The following KHDRBS2 variants were observed in gnomAD, a reference collection of about 807,000 sequenced individuals.
KHDRBS2 encodes KH domain-containing, RNA-binding, signal transduction-associated protein 2.
In KHDRBS2, 26 loss-of-function variants were observed where a neutral mutation model predicts 44.3. The ratio of observed to expected loss-of-function variants is 0.59; its 90% CI spans 0.43 to 0.81. The LOEUF (loss-of-function observed/expected upper bound fraction) is 0.81, where lower values mean the gene tolerates loss of function less well. Ranked by LOEUF, KHDRBS2 falls within the 40% of genes least tolerant of loss-of-function variation. The pLI is 0.00. For missense variants in KHDRBS2, 476 were observed against 433.1 expected (o/e 1.10, Z -0.88); for synonymous variants, 194 against 151.1 (o/e 1.28, Z -2.08).
intron 3 of KHDRBS2, among the ~76,000 whole-genome samples, chr6:62,006,157 G>A (rs1779166109): frequency 6.6e-6 from 1 of 151,894 alleles, no homozygotes; most frequent in Admixed American, 6.6e-5. Context: ...AGACAATACA[G>A]TAATACAACT....
chr6:62,219,198 A>G (rs1434699320), intron 1 of KHDRBS2, among the ~76,000 whole-genome samples: 4 of 147,358 alleles, frequency 2.7e-5, no homozygotes, highest in African/African-American at 9.8e-5. Context: ...CAGATGAAAC[A>G]CAGCTAACTT....
intron 2 of KHDRBS2, among the ~76,000 whole-genome samples, chr6:62,162,932 G>T (rs757489695): frequency 2.6e-5 from 4 of 151,980 alleles, no homozygotes; most frequent in Non-Finnish European, 5.9e-5. Context: ...GGGGTAAGAA[G>T]AATACTGGTT....
At chr6:61,810,945 T>C (rs1411970611) in intron 6 of KHDRBS2, among the ~76,000 whole-genome samples, 6 of 152,148 alleles carry the variant, frequency 3.9e-5, no homozygotes, top group Non-Finnish European at 8.8e-5. Context: ...TTATTATTAT[T>C]TTTTAAGTTA....
intron 6 of KHDRBS2, among the ~76,000 whole-genome samples, chr6:61,888,181 T>C (rs1801251500): frequency 6.6e-6 from 1 of 152,212 alleles, no homozygotes; most frequent in Admixed American, 6.5e-5. Flanking sequence ...CCAATAACTA[T>C]GTTTATATTG....
the KHDRBS2 span, among the ~76,000 whole-genome samples, chr6:61,579,699 T>C: frequency 1.2e-3 from 185 of 152,248 alleles, no homozygotes; most frequent in African/African-American, 4.2e-3. Context: ...CCCTGAGAAT[T>C]TCTCTTGAAT....
the KHDRBS2 span, among the ~76,000 whole-genome samples, chr6:61,565,629 A>T: frequency 6.6e-6 from 1 of 152,096 alleles, no homozygotes; most frequent in African/African-American, 2.4e-5. Flanking sequence ...ATTTTACCCC[A>T]GTTAAGATGC....
chr6:61,743,624 A>AT (rs1047701411), intron 6 of KHDRBS2, among the ~76,000 whole-genome samples: 1 of 151,968 alleles, frequency 6.6e-6, no homozygotes, highest in Admixed American at 6.6e-5. Flanking sequence ...TCCTTATTTT[A>AT]TTTTTTTAAT....
At chr6:61,687,606 T>C (rs1766960934) in intron 8 of KHDRBS2, among the ~76,000 whole-genome samples, 1 of 151,936 alleles carries the variant, frequency 6.6e-6, no homozygotes, top group African/African-American at 2.4e-5. Flanking sequence ...AAGATTCCTT[T>C]CTGCAATCTT....
chr6:62,106,038 C>G (rs1803183806), intron 2 of KHDRBS2, among the ~76,000 whole-genome samples: 1 of 152,102 alleles, frequency 6.6e-6, no homozygotes, highest in Non-Finnish European at 1.5e-5. Flanking sequence ...GTTATGTACC[C>G]AGTAGTCATT....
intron 3 of KHDRBS2, among the ~76,000 whole-genome samples, chr6:61,993,341 C>T (rs768924372): frequency 2.0e-5 from 3 of 151,934 alleles, no homozygotes; most frequent in Non-Finnish European, 2.9e-5. Context: ...GGCTTAGACT[C>T]GCTCTTTCTT....
chr6:61,806,308 C>T (rs1336690798), intron 6 of KHDRBS2, among the ~76,000 whole-genome samples: 1 of 152,108 alleles, frequency 6.6e-6, no homozygotes, highest in East Asian at 1.9e-4. Context: ...GCCTGATATC[C>T]TTGGGACCAC....
At chr6:61,801,550 G>C (rs1420234248) in intron 6 of KHDRBS2, among the ~76,000 whole-genome samples, 2 of 152,074 alleles carry the variant, frequency 1.3e-5, no homozygotes, top group Non-Finnish European at 2.9e-5. Context: ...CTGATGAATA[G>C]CTCATTTGTC....
intron 6 of KHDRBS2, among the ~76,000 whole-genome samples, chr6:61,767,424 T>C (rs1780176129): frequency 6.6e-6 from 1 of 152,086 alleles, no homozygotes; most frequent in African/African-American, 2.4e-5. Context: ...TGCCACTCTA[T>C]GTCTTTTGAT....
intron 2 of KHDRBS2, among the ~76,000 whole-genome samples, chr6:62,130,927 T>C (rs1810147919): frequency 6.6e-6 from 1 of 152,096 alleles, no homozygotes; most frequent in Admixed American, 6.6e-5. Flanking sequence ...TTTCATACCA[T>C]GGTAAAGTTG....
intron 3 of KHDRBS2, among the ~76,000 whole-genome samples, chr6:61,983,128 T>C (rs1583954398): frequency 6.6e-6 from 1 of 152,128 alleles, no homozygotes; most frequent in East Asian, 1.9e-4. Context: ...TGGACTGGAA[T>C]GTCATATTTG....
At chr6:61,584,084 T>C in the KHDRBS2 span, among the ~76,000 whole-genome samples, 1 of 151,760 alleles carries the variant, frequency 6.6e-6, no homozygotes, top group Non-Finnish European at 1.5e-5. Context: ...TATTTAGTTA[T>C]TAGCTTTAGT....
intron 3 of KHDRBS2, among the ~76,000 whole-genome samples, chr6:61,984,189 A>G (rs6901059): frequency 0.044 from 6,682 of 152,256 alleles, 482 homozygotes; most frequent in African/African-American, 0.15. Flanking sequence ...TAAGATACTT[A>G]GAGCTCAACA....
At chr6:62,068,500 C>G (rs1046780999) in intron 2 of KHDRBS2, among the ~76,000 whole-genome samples, 1 of 151,448 alleles carries the variant, frequency 6.6e-6, no homozygotes, top group Non-Finnish European at 1.5e-5. Flanking sequence ...ATAGCACAAA[C>G]TTTTAAAAAA....
chr6:61,999,247 T>C (rs1182275871), intron 3 of KHDRBS2, among the ~76,000 whole-genome samples: 1 of 152,122 alleles, frequency 6.6e-6, no homozygotes, highest in Non-Finnish European at 1.5e-5. Flanking sequence ...TCGAGTGATT[T>C]TATTTAAATG....
Sources: gnomAD v4.1 joint callset for allele counts (sites outside exome capture counted in the v4.1 genomes callset) on GRCh38, gnomAD v4.1.1 for gene constraint, MANE v1.5 for transcripts, NCBI Gene and HGNC (gene_info 2026-07-23, HGNC 2026-07-21) for gene names.